The following CEPT1 variants were observed in gnomAD, a reference collection of about 807,000 sequenced individuals.
CEPT1 encodes the protein choline/ethanolamine phosphotransferase 1, also known as choline/ethanolaminephosphotransferase 1.
Under a neutral mutation model 42.6 loss-of-function variants are expected in CEPT1, and 7 were observed. That is an observed-to-expected ratio of 0.16 (90% CI 0.09 to 0.31). The LOEUF (loss-of-function observed/expected upper bound fraction) is 0.31, where lower values mean the gene tolerates loss of function less well. Among genes scored for constraint, CEPT1 ranks in the 10% least tolerant of loss-of-function variants. The pLI, the probability that CEPT1 is intolerant of heterozygous loss-of-function variation, is 1.00. For synonymous variants in CEPT1, 171 were observed against 171.9 expected (o/e 0.99, Z 0.04); for missense variants, 306 against 502.1 (o/e 0.61, Z 3.73).
At chr1:111,178,289 A>G (rs906151716) in intron 5 of CEPT1, 2 of 152,226 alleles carry the variant, frequency 1.3e-5, no homozygotes, top group Non-Finnish European at 2.9e-5. Flanking sequence ...TGGTCAGAAC[A>G]AATAAAAACA....
chr1:111,160,202 G>A (rs1232540892), intron 3 of CEPT1: 1 of 152,050 alleles, frequency 6.6e-6, no homozygotes, highest in Non-Finnish European at 1.5e-5. Context: ...CTCTTTATTT[G>A]CACTGTTTTG....
chr1:111,172,848 A>G (rs937794352), intron 4 of CEPT1, among the ~76,000 whole-genome samples: 2 of 152,244 alleles, frequency 1.3e-5, no homozygotes, highest in Non-Finnish European at 2.9e-5. Context: ...CTGGTAAGTA[A>G]GTTTTCCTGG....
chr1:111,168,107 C>G (rs1456311526), intron 4 of CEPT1, among the ~76,000 whole-genome samples: 1 of 152,028 alleles, frequency 6.6e-6, no homozygotes, highest in Non-Finnish European at 1.5e-5. Flanking sequence ...CTTCTGGCCT[C>G]AAGTAGTCCT....
At chr1:111,179,871 AC>A in intron 5 of CEPT1, 1 of 152,314 alleles carries the variant, frequency 6.6e-6, no homozygotes, top group African/African-American at 2.4e-5. Context: ...ATCAATTCAA[AC>A]AAAATCCAAC....
Position 111,166,453 on chromosome 1 carries a change from G to C in CEPT1, c.629+5157G>C, listed in dbSNP as rs189031257. Among the ~76,000 whole-genome samples the C allele has an allele frequency of 8.5e-5, 13 of 152,262 alleles. 1 individual carries two copies. The highest frequency in any genetic ancestry group is 8.5e-4 in the Admixed American group (13 of 15,302). On this transcript the variant is annotated intron_variant, in intron 4 of 8. Transcript: ENST00000357172. ...GTATTATAATGCTGGTGTGGAATTA[G>C]GGAAGAGAAAGAGGAAAAAGGAAAA...
At chr1:111,167,438 C>T (rs984914145) in intron 4 of CEPT1, 1 of 879,568 alleles carries the variant, frequency 1.1e-6, no homozygotes, top group African/African-American at 1.8e-5. Context: ...TCCTGTTTGC[C>T]TATTGTGCCT....
chr1:111,180,122 T>C (rs1656899340), intron 5 of CEPT1: 1 of 152,222 alleles, frequency 6.6e-6, no homozygotes. Context: ...ATGACTCTCA[T>C]TCAGTTCATT....
At chr1:111,152,034 G>A (rs1337367049) in intron 2 of CEPT1, among the ~76,000 whole-genome samples, 1 of 152,106 alleles carries the variant, frequency 6.6e-6, no homozygotes, top group East Asian at 1.9e-4. Context: ...TCCTCATCAC[G>A]TAAGACAGAA....
chr1:111,147,796 A>G lies in CEPT1; in HGVS notation c.82A>G (p.Thr28Ala), dbSNP rs761019002. The G allele has an allele frequency of 1.2e-6, 2 of 1,614,008 alleles. No individual in the cohort carries two copies. Among genetic ancestry groups the G allele is most frequent in the East Asian group, 2.2e-5 (1 of 44,896 alleles). ...AGTGGGCTTCGGGCATATGAGTACT[A>G]CAGGATGTGTATTAAATAAATTGTT... ...SPVGFGHMST[T>A]GCVLNKLFQL... is the part of the protein sequence containing the mutation. Residue 28 changes from threonine (T) to alanine (A), a missense_variant, in exon 2 of 9, where the codon ACA (threonine) becomes GCA (alanine). Thr to Ala is a moderately conservative substitution (Grantham distance 58). This residue lies in a region of CEPT1 where 53 missense variants were observed against 54.8 expected (regional missense o/e 0.97). Transcript: ENST00000357172.
intron 2 of CEPT1, among the ~76,000 whole-genome samples, chr1:111,152,419 A>G (rs1428722776): frequency 6.6e-6 from 1 of 152,084 alleles, no homozygotes; most frequent in Non-Finnish European, 1.5e-5. Context: ...TTTCCTTCCT[A>G]CCCCTCACCC....
intron 2 of CEPT1, 139 bp downstream of exon 2, chr1:111,148,192 G>C: frequency 1.5e-6 from 1 of 680,462 alleles, no homozygotes; most frequent in Non-Finnish European, 2.5e-6. Context: ...CTGTGATAAA[G>C]CTTGTAAGTA....
At chr1:111,145,540 C>T (rs192708559) in intron 1 of CEPT1, among the ~76,000 whole-genome samples, 465 of 152,294 alleles carry the variant, frequency 3.1e-3, no homozygotes, top group African/African-American at 0.011. Flanking sequence ...AGTCCTGTTC[C>T]ATTGTGTTCA....
intron 1 of CEPT1, among the ~76,000 whole-genome samples, chr1:111,147,389 TCAGA>T (rs1655027484): frequency 1.3e-5 from 2 of 152,300 alleles, no homozygotes; most frequent in African/African-American, 4.8e-5. Context: ...AGCTTCAAAG[TCAGA>T]CAGACTATCA....
Position 111,184,284 on chromosome 1 carries a change from T to G in CEPT1, c.1225T>G (p.Ser409Ala), listed in dbSNP as rs143563214. 4.8e-4 allele frequency: 776 copies of G among 1,612,704 alleles called. 5 individuals carry two copies. The African/African-American group carries it at 9.4e-3, about 20-fold the overall frequency. ...LHIHVFRIKV[S>A]TAHSNHH ...CATACATGTCTTCAGAATCAAGGTCTCTACAGCTCATTCTAATCATCATTA... is the reference window on the plus strand; with the variant it reads ...CATACATGTCTTCAGAATCAAGGTCGCTACAGCTCATTCTAATCATCATTA... Residue 409 changes from serine (S) to alanine (A), a missense_variant, in exon 9 of 9, where the codon TCT becomes GCT. Coordinates refer to ENST00000357172, the MANE Select transcript of CEPT1 (RefSeq NM_006090.5).
intron 4 of CEPT1, chr1:111,167,904 TTTAA>T: frequency 3.4e-6 from 2 of 596,926 alleles, no homozygotes; most frequent in Non-Finnish European, 4.2e-6. Context: ...TTTTTTTTTT[TTTAA>T]TTGAGATAGA....
At chr1:111,142,288 G>A (rs1654689533) in intron 1 of CEPT1, among the ~76,000 whole-genome samples, 1 of 152,124 alleles carries the variant, frequency 6.6e-6, no homozygotes, top group Non-Finnish European at 1.5e-5. Flanking sequence ...CAGACCGTAT[G>A]TGTTTTCCTA....
rs187719924 is a variant in CEPT1, at chr1:111,159,207, G to A, written c.340-173G>A. 9.9e-4 allele frequency among the ~76,000 whole-genome samples: 148 copies of A among 150,112 alleles called. 1 individual carries two copies. The highest frequency in any genetic ancestry group is 2.5e-3 in the African/African-American group (98 of 39,798). On this transcript the variant is annotated intron_variant, in intron 2 of 8. Coordinates refer to ENST00000357172, the MANE Select transcript of CEPT1 (RefSeq NM_006090.5). The stretch of plus-strand genomic sequence containing the variant: ...TGGGATTACAGGCGTGAGCCACCGC[G>A]CCCGGCATTCTTTTACAATTCTAAT...
chr1:111,149,967 C>G (rs1431761888), intron 2 of CEPT1, among the ~76,000 whole-genome samples: 2 of 152,170 alleles, frequency 1.3e-5, no homozygotes, highest in African/African-American at 4.8e-5. Context: ...ATGAATAACC[C>G]AAGAATTAGT....
At chr1:111,151,519 G>A (rs1655277548) in intron 2 of CEPT1, among the ~76,000 whole-genome samples, 2 of 152,186 alleles carry the variant, frequency 1.3e-5, no homozygotes, top group South Asian at 4.1e-4. Flanking sequence ...AACTCAGAGT[G>A]GAAGGGCTTC....
Sources: gnomAD v4.1 joint callset for allele counts (sites outside exome capture counted in the v4.1 genomes callset) on GRCh38, gnomAD v4.1.1 for gene constraint, gnomAD v4.1.1 regional missense constraint, MANE v1.5 for transcripts, NCBI Gene and HGNC (gene_info 2026-07-23, HGNC 2026-07-21) for gene names.